TANGO2: variants seen among roughly 807,000 people sequenced by gnomAD.
TANGO2 encodes the protein transport and Golgi organization protein 2 homolog.
A neutral mutation model predicts 39.1 loss-of-function variants in TANGO2; 26 were observed. That is an observed-to-expected ratio of 0.67 (90% CI 0.49 to 0.92). The LOEUF is 0.92. Ranked by LOEUF, TANGO2 falls within the 40% of genes least tolerant of loss-of-function variation. The pLI is 0.00. For synonymous variants in TANGO2, 131 were observed against 144.5 expected, an observed-to-expected ratio of 0.91 and a Z score of 0.67; for missense variants, 326 against 360.1, an observed-to-expected ratio of 0.91 and a Z score of 0.77.
At chr22:20,048,800 C>T (rs2045751097) in intron 3 of TANGO2, among the ~76,000 whole-genome samples, 1 of 152,140 alleles carries the variant, frequency 6.6e-6, no homozygotes, top group Non-Finnish European at 1.5e-5. Flanking sequence ...GCATGCACCA[C>T]CATGCCCAGC....
In TANGO2 at chr22:20,057,071, A is replaced by T. The variant is rs1285626996; in HGVS notation, c.451+1058A>T. The T allele has an allele frequency of 2.4e-6, 1 of 420,024 alleles. No individual in the cohort carries two copies. The highest frequency in any genetic ancestry group is 4.8e-6 in the Non-Finnish European group (1 of 207,916). 26.0% of individuals were successfully genotyped at this position (420,024 alleles called of 1,614,324 possible). A position where few individuals can be genotyped will look rare whatever the true frequency, so the allele number is the denominator to read the frequency against. On this transcript the variant is annotated intron_variant, in intron 6 of 8. Coordinates refer to ENST00000327374, the MANE Select transcript of TANGO2 (RefSeq NM_152906.7). The surrounding 1 kb of genome is among the most constrained non-coding windows in gnomAD (Gnocchi z 4.1). ...TGCATTTGGCACAAATCACCAAGTGAGGTTGCAGGTCACAGGTGCACACCT... is the reference window on the plus strand; with the variant it reads ...TGCATTTGGCACAAATCACCAAGTGTGGTTGCAGGTCACAGGTGCACACCT...
intron 7 of TANGO2, 68 bp downstream of exon 7, chr22:20,061,751 C>T: frequency 6.8e-7 from 1 of 1,471,804 alleles, no homozygotes; most frequent in Non-Finnish European, 9.1e-7. Context: ...AAAGGCAGGC[C>T]CTGCTGCCCC....
intron 3 of TANGO2, among the ~76,000 whole-genome samples, chr22:20,049,814 C>T (rs2045954500): frequency 1.3e-5 from 2 of 152,142 alleles, no homozygotes. Flanking sequence ...GGGATTTTGA[C>T]TGGGCAGGTT....
chr22:20,042,651 G>C (rs148393048), intron 2 of TANGO2, among the ~76,000 whole-genome samples: 3,089 of 152,168 alleles, frequency 0.02, 109 homozygotes, highest in African/African-American at 0.069. Flanking sequence ...TGTAATCCCA[G>C]CTACTCAGGA....
At position 20,061,531 on chromosome 22, in the gene TANGO2, C is replaced by T. The variant is rs1291441530; in HGVS notation, c.453C>T (p.Gly151=). The change falls in exon 7 of 9, where the codon GGC becomes GGT. Residue 151 remains glycine, a splice_region_variant and synonymous_variant. Coordinates refer to ENST00000327374, the MANE Select transcript of TANGO2 (RefSeq NM_152906.7). ...TGGCCCGCTGATTGCTCCTCACAGG[C>T]ACCTACGGGCTGAGCAACGCGCTGC... ...GEPDPIVLTP[G]TYGLSNALLE... is the part of the protein sequence containing the mutation. 1 of 1,601,558 alleles carries T rather than the reference C, an allele frequency of 6.2e-7. No homozygotes were observed. Among genetic ancestry groups the T allele is most frequent in the Admixed American group, 1.7e-5 (1 of 58,658 alleles).
In TANGO2 at chr22:20,064,960, CAT is replaced by C. The variant is rs1189490288; in HGVS notation, c.*299_*300del. 1 of 367,130 alleles carries C rather than the reference CAT, an allele frequency of 2.7e-6. No homozygotes were observed. The highest frequency in any genetic ancestry group is 5.1e-6 in the Non-Finnish European group (1 of 197,222). 22.7% of individuals were successfully genotyped at this position (367,130 alleles called of 1,614,324 possible). A position where few individuals can be genotyped will look rare whatever the true frequency, so the allele number is the denominator to read the frequency against. ...TCTTGCACATGTACACAGGCACTCA[CAT>C]GGCACACACATACACTCCTGCGTGT... On this transcript the variant is annotated 3_prime_UTR_variant, in exon 9 of 9. Coordinates refer to ENST00000327374, the MANE Select transcript of TANGO2 (RefSeq NM_152906.7).
intron 3 of TANGO2, 87 bp downstream of exon 3, chr22:20,043,530 C>A: frequency 1.1e-6 from 1 of 928,828 alleles, no homozygotes; most frequent in Non-Finnish European, 1.7e-6. Context: ...CTGAGTGGTG[C>A]TGCTTCCAAG....
chr22:20,025,721 C>G (rs1321895888), intron 1 of TANGO2, among the ~76,000 whole-genome samples: 1 of 152,200 alleles, frequency 6.6e-6, no homozygotes, highest in East Asian at 1.9e-4. Flanking sequence ...AGGCTGGCTT[C>G]TTTTCCAGGT....
At chr22:20,059,186 CTG>C (rs959916412) in intron 6 of TANGO2, among the ~76,000 whole-genome samples, 11 of 152,198 alleles carry the variant, frequency 7.2e-5, no homozygotes, top group African/African-American at 2.2e-4. Flanking sequence ...TTTATCAAGA[CTG>C]TGGTTTTTCT....
At position 20,057,708 on chromosome 22, in the gene TANGO2, C is replaced by T. The variant is rs544918755; in HGVS notation, c.451+1695C>T. 2.6e-5 allele frequency among the ~76,000 whole-genome samples: 4 copies of T among 152,248 alleles called. No homozygotes were observed. The highest frequency in any genetic ancestry group is 1.9e-4 in the East Asian group (1 of 5,176). On this transcript the variant is annotated intron_variant, in intron 6 of 8. Coordinates refer to ENST00000327374, the MANE Select transcript of TANGO2 (RefSeq NM_152906.7). This position sits in a 1 kb window ranked among gnomAD's most constrained non-coding sequence, Gnocchi z 4.1. ...CAGAACCTCCGCATCAGTTGAGGGT[C>T]GTGGGGTTGGAATGTGTGGCGAAGT... is the stretch of plus-strand genomic sequence containing the variant.
chr22:20,039,241 C>T (rs1456935624), intron 2 of TANGO2, among the ~76,000 whole-genome samples: 1 of 151,790 alleles, frequency 6.6e-6, no homozygotes, highest in Non-Finnish European at 1.5e-5. Flanking sequence ...GCCTCGGCCA[C>T]TGTATTTGGT....
chr22:20,041,312 A>ATTT (rs695364), intron 2 of TANGO2, among the ~76,000 whole-genome samples: 2 of 134,536 alleles, frequency 1.5e-5, no homozygotes, highest in African/African-American at 2.8e-5. Flanking sequence ...CACCCGGCTA[A>ATTT]TTTTTTTTTT....
At chr22:20,029,459 TAGGGGAA>T (rs1409693925) in intron 1 of TANGO2, among the ~76,000 whole-genome samples, 3 of 152,176 alleles carry the variant, frequency 2.0e-5, no homozygotes, top group African/African-American at 7.2e-5. Flanking sequence ...GTTGTTAGGC[TAGGGGAA>T]CGTATGCTGG....
At chr22:20,032,521 G>T (rs978847029) in intron 1 of TANGO2, among the ~76,000 whole-genome samples, 2 of 152,276 alleles carry the variant, frequency 1.3e-5, no homozygotes, top group Non-Finnish European at 2.9e-5. Flanking sequence ...GTCTGGTTCT[G>T]GCCGCCTGGG....
At chr22:20,038,923 ATG>A (rs1386872605) in intron 2 of TANGO2, among the ~76,000 whole-genome samples, 7 of 25,024 alleles carry the variant, frequency 2.8e-4, no homozygotes, top group Non-Finnish European at 8.5e-5. Context: ...TTAGGCCACT[ATG>A]TTTTTTTTTT....
At chr22:20,019,950 T>C (rs897263883), upstream of TANGO2, among the ~76,000 whole-genome samples, 2 of 152,196 alleles carry the variant, frequency 1.3e-5, no homozygotes, top group African/African-American at 4.8e-5. Context: ...ACAGATAAGA[T>C]AGCAAAAGTG....
intron 3 of TANGO2, among the ~76,000 whole-genome samples, chr22:20,043,677 C>G (rs1048537055): frequency 1.3e-5 from 2 of 152,182 alleles, no homozygotes; most frequent in African/African-American, 4.8e-5. Flanking sequence ...GGGGCCCCAT[C>G]ATGTGAAAGC....
At chr22:20,017,241 C>T (rs1945249970), upstream of TANGO2, 1 of 152,314 alleles carries the variant, frequency 6.6e-6, no homozygotes, top group African/African-American at 2.4e-5. Flanking sequence ...GCGCCGCTCC[C>T]TCCTGTCGAC....
At chr22:20,060,075 C>T (rs1015737084) in intron 6 of TANGO2, among the ~76,000 whole-genome samples, 2 of 151,838 alleles carry the variant, frequency 1.3e-5, no homozygotes, top group South Asian at 2.1e-4. Context: ...CCCAGCCGGG[C>T]GCGGTGGCTC....
Sources: allele counts gnomAD v4.1 joint callset (sites outside exome capture counted in the v4.1 genomes callset), GRCh38; gene constraint gnomAD v4.1.1; non-coding constraint Gnocchi (gnomAD v3.1); transcripts MANE v1.5; gene names NCBI Gene and HGNC (gene_info 2026-07-23, HGNC 2026-07-21).